MYO9A: variants seen among roughly 807,000 people sequenced by gnomAD.
MYO9A encodes the protein myosin IXA.
A neutral mutation model predicts 293.3 loss-of-function variants in MYO9A; 103 were observed. The observed-to-expected ratio is 0.35, with a 90% CI of 0.30 to 0.41. MYO9A has a LOEUF of 0.41. Among genes scored for constraint, MYO9A ranks in the 10% least tolerant of loss-of-function variants. The pLI, the probability that MYO9A is intolerant of heterozygous loss-of-function variation, is 1.00. For synonymous variants in MYO9A, 1,001 were observed against 1,035.7 expected (o/e 0.97, Z 0.64); for missense variants, 2,685 against 3,033.0 (o/e 0.89, Z 2.69).
intron 4 of MYO9A, among the ~76,000 whole-genome samples, chr15:72,026,660 G>A (rs1011901163): frequency 1.3e-5 from 2 of 151,890 alleles, no homozygotes; most frequent in Admixed American, 6.6e-5. Flanking sequence ...ACTAAAGATC[G>A]GTTCTTTGAA....
chr15:72,112,237 C>A (rs1377779785), intron 1 of MYO9A, among the ~76,000 whole-genome samples: 1 of 151,756 alleles, frequency 6.6e-6, no homozygotes, highest in African/African-American at 2.4e-5. Context: ...ATAAAAAAAA[C>A]ACACACAATT....
At chr15:71,992,063 C>T (rs1017499898) in intron 10 of MYO9A, among the ~76,000 whole-genome samples, 34 of 151,262 alleles carry the variant, frequency 2.2e-4, no homozygotes, top group African/African-American at 8.0e-4. Context: ...CCAGAACATA[C>T]GGTTTCGTAA....
intron 18 of MYO9A, among the ~76,000 whole-genome samples, chr15:71,922,427 A>T (rs2058180283): frequency 6.6e-6 from 1 of 152,246 alleles, no homozygotes; most frequent in Non-Finnish European, 1.5e-5. Flanking sequence ...ATCAGGCTAA[A>T]TAAAATATCT....
intron 1 of MYO9A, among the ~76,000 whole-genome samples, chr15:72,055,587 A>T (rs2078695696): frequency 6.6e-6 from 1 of 152,342 alleles, no homozygotes; most frequent in Middle Eastern, 3.4e-3. Flanking sequence ...ACTAATATCC[A>T]GAATCTACAA....
intron 2 of MYO9A, chr15:72,036,711 ATGTTTTGTTT>A (rs919659910): frequency 4.0e-5 from 6 of 151,838 alleles, no homozygotes; most frequent in African/African-American, 7.3e-5. Context: ...GTGTGTATGT[ATGTTTTGTTT>A]TGTTTTGTTT....
At chr15:71,844,629 G>GTGTT (rs1325478619) in intron 39 of MYO9A, among the ~76,000 whole-genome samples, 12 of 152,194 alleles carry the variant, frequency 7.9e-5, no homozygotes, top group African/African-American at 2.7e-4. Context: ...AGATACTCCA[G>GTGTT]TGTTAGAATG....
rs1310187989 is a variant in MYO9A at position 72,044,325 on chromosome 15, G to C, written c.840+1399C>G. ...GGAGGCCGAGGCAGGAGAATCCCTT[G>C]AACCTGGGAGGCAGAGGCTGCGGTG... On this transcript the variant is annotated intron_variant, in intron 2 of 41. Coordinates refer to ENST00000356056, the MANE Select transcript of MYO9A (RefSeq NM_006901.4). Among the ~76,000 whole-genome samples the C allele has an allele frequency of 2.0e-5, 3 of 151,492 alleles. No homozygotes were observed. In the East Asian group the frequency reaches 5.8e-4, roughly 29 times the overall value.
intron 13 of MYO9A, among the ~76,000 whole-genome samples, chr15:71,963,008 C>G (rs1296190727): frequency 6.6e-6 from 1 of 152,148 alleles, no homozygotes; most frequent in East Asian, 1.9e-4. Flanking sequence ...CCTATACTGC[C>G]CTTCTAAGTC....
intron 15 of MYO9A, among the ~76,000 whole-genome samples, chr15:71,940,533 A>T (rs753083946): frequency 2.6e-5 from 4 of 152,126 alleles, no homozygotes; most frequent in Non-Finnish European, 4.4e-5. Flanking sequence ...GGAAATAGCA[A>T]TAAATATTCT....
chr15:71,946,019 T>C (rs1306721710), intron 15 of MYO9A, among the ~76,000 whole-genome samples: 5 of 152,218 alleles, frequency 3.3e-5, no homozygotes, highest in Non-Finnish European at 7.3e-5. Flanking sequence ...GTTAACATGG[T>C]CAAGCCAACC....
intron 2 of MYO9A, among the ~76,000 whole-genome samples, chr15:72,039,329 T>A (rs930138167): frequency 3.9e-5 from 6 of 152,162 alleles, no homozygotes; most frequent in African/African-American, 1.4e-4. Flanking sequence ...CCGTTTGTAC[T>A]TAATTTGGCA....
chr15:71,973,729 G>A (rs1463889197), intron 12 of MYO9A, among the ~76,000 whole-genome samples: 2 of 152,200 alleles, frequency 1.3e-5, no homozygotes, highest in African/African-American at 2.4e-5. Context: ...GAATGTGTCT[G>A]TTATCTACTT....
At chr15:71,871,465 T>C (rs1024887798) in intron 32 of MYO9A, among the ~76,000 whole-genome samples, 2 of 150,202 alleles carry the variant, frequency 1.3e-5, no homozygotes, top group African/African-American at 2.4e-5. Context: ...GAGGTTGAGG[T>C]AGGTGAATTG....
Position 71,854,466 on chromosome 15 carries a change from A to C in MYO9A, c.6257T>G (p.Ile2086Ser). 6.2e-7 allele frequency: 1 copy of C among 1,613,754 alleles called. No homozygotes were observed. The highest frequency in any genetic ancestry group is 8.5e-7 in the Non-Finnish European group (1 of 1,179,796). ...PLVVEKLINY[I>S]EMHGLYTEGI... ...TTCTGTATACAGTCCATGCATTTCA[A>C]TGTAGTTTATGAGCTTTTCCACTAC... The change falls in exon 35 of 42, where the codon ATT (isoleucine) becomes AGT (serine). Residue 2086 changes from isoleucine to serine, a missense_variant. Physicochemically the swap from Ile to Ser is moderately radical, Grantham distance 142. Transcript: ENST00000356056.
At chr15:72,022,510 A>T (rs1208734661) in intron 4 of MYO9A, among the ~76,000 whole-genome samples, 4 of 149,904 alleles carry the variant, frequency 2.7e-5, no homozygotes, top group Non-Finnish European at 5.9e-5. Flanking sequence ...ACAAGGCGAG[A>T]CTCTGTCTCA....
chr15:72,076,034 T>G (rs1423232011), intron 1 of MYO9A, among the ~76,000 whole-genome samples: 3 of 152,124 alleles, frequency 2.0e-5, no homozygotes, highest in African/African-American at 7.2e-5. Context: ...CCAGGCGTGG[T>G]GGCTCATGTC....
chr15:71,865,681 A>G (rs1289911038), intron 32 of MYO9A, among the ~76,000 whole-genome samples: 10 of 152,226 alleles, frequency 6.6e-5, no homozygotes, highest in Admixed American at 5.9e-4. Flanking sequence ...GAGTGCTCAG[A>G]AAGTACAGTT....
chr15:71,880,194 T>C, intron 29 of MYO9A, 141 bp downstream of exon 29: 2 of 754,720 alleles, frequency 2.6e-6, no homozygotes, highest in Non-Finnish European at 4.3e-6. Flanking sequence ...TATCCTATTA[T>C]TCACACCTTT....
In MYO9A at chr15:71,878,043, T is replaced by A; in HGVS notation, c.5928A>T (p.Thr1976=). The A allele has an allele frequency of 6.3e-7, 1 of 1,590,582 alleles. No homozygotes were observed. The highest frequency in any genetic ancestry group is 1.8e-5 in the Admixed American group (1 of 54,188). ...NEFKTSDCTA[T]KVPKTERKKR... is the part of the protein sequence containing the mutation. ...AATCAAAATATATCACATTTACCTT[T>A]GTGGCTGTGCAATCTGAAGTCTTGA... Residue 1976 remains threonine, a synonymous_variant, in exon 31 of 42, where the codon ACA becomes ACT. Coordinates refer to ENST00000356056, the MANE Select transcript of MYO9A (RefSeq NM_006901.4).
Sources: gnomAD v4.1 joint callset for allele counts (sites outside exome capture counted in the v4.1 genomes callset) on GRCh38, gnomAD v4.1.1 for gene constraint, MANE v1.5 for transcripts, NCBI Gene and HGNC (gene_info 2026-07-23, HGNC 2026-07-21) for gene names.